The following CMIP variants were observed in gnomAD, a reference collection of about 807,000 sequenced individuals.
CMIP encodes the protein c-Maf inducing protein.
In CMIP, 13 loss-of-function variants were observed where a neutral mutation model predicts 97.3. That is an observed-to-expected ratio of 0.13 (90% CI 0.09 to 0.21). The LOEUF is 0.21. Ranked by LOEUF, CMIP falls within the 10% of genes least tolerant of loss-of-function variation. The pLI is 1.00. For synonymous variants in CMIP, 538 were observed against 436.3 expected, an observed-to-expected ratio of 1.23 and a Z score of -2.91; for missense variants, 847 against 1,024.9, an observed-to-expected ratio of 0.83 and a Z score of 2.37.
chr16:81,672,883 G>A (rs1264955071), intron 9 of CMIP, among the ~76,000 whole-genome samples: 1 of 152,196 alleles, frequency 6.6e-6, no homozygotes, highest in Non-Finnish European at 1.5e-5. Context: ...TGTTTTTCTT[G>A]AGCGCCTGCT....
intron 1 of CMIP, among the ~76,000 whole-genome samples, chr16:81,448,652 A>C (rs1906016353): frequency 6.6e-6 from 1 of 152,250 alleles, no homozygotes; most frequent in African/African-American, 2.4e-5. Context: ...CAGAGCCAAC[A>C]GCGTGCCTAA....
intron 1 of CMIP, among the ~76,000 whole-genome samples, chr16:81,506,167 G>C (rs77383633): frequency 6.6e-6 from 1 of 152,240 alleles, no homozygotes; most frequent in South Asian, 2.1e-4. Flanking sequence ...ACCAAGGCTC[G>C]GAGAGGTTAA....
chr16:81,480,581 C>A (rs1280807808), intron 1 of CMIP, among the ~76,000 whole-genome samples: 1 of 152,106 alleles, frequency 6.6e-6, no homozygotes, highest in African/African-American at 2.4e-5. Flanking sequence ...AAGCCCTGAC[C>A]CATTCTGCTG....
intron 3 of CMIP, among the ~76,000 whole-genome samples, chr16:81,628,784 T>A: frequency 6.6e-6 from 1 of 152,168 alleles, no homozygotes; most frequent in South Asian, 2.1e-4. Flanking sequence ...GTGTTGCTGG[T>A]GCCTGAGGCT....
At chr16:81,494,033 T>A (rs1406503076) in intron 1 of CMIP, among the ~76,000 whole-genome samples, 1 of 152,224 alleles carries the variant, frequency 6.6e-6, no homozygotes, top group Non-Finnish European at 1.5e-5. Context: ...GAAATGTGAT[T>A]CACCATGTGA....
intron 6 of CMIP, among the ~76,000 whole-genome samples, chr16:81,663,576 C>G (rs1238404003): frequency 6.6e-6 from 1 of 152,184 alleles, no homozygotes; most frequent in Non-Finnish European, 1.5e-5. Context: ...AGACATTTGT[C>G]TAAACACCCA....
At chr16:81,703,213 A>G (rs928011262) in intron 17 of CMIP, among the ~76,000 whole-genome samples, 2 of 152,074 alleles carry the variant, frequency 1.3e-5, no homozygotes, top group Non-Finnish European at 2.9e-5. Context: ...TGGAAGTTCT[A>G]CTTGACATGT....
intron 7 of CMIP, among the ~76,000 whole-genome samples, chr16:81,669,792 C>G (rs960036638): frequency 6.6e-6 from 1 of 152,172 alleles, no homozygotes; most frequent in African/African-American, 2.4e-5. Context: ...TCCTTCCACA[C>G]TCCACATTCC....
At chr16:81,502,971 TA>T (rs572846785) in intron 1 of CMIP, among the ~76,000 whole-genome samples, 7 of 152,256 alleles carry the variant, frequency 4.6e-5, no homozygotes, top group Non-Finnish European at 8.8e-5. Context: ...TGTCCTTAGA[TA>T]TGTTTGCGTG....
At chr16:81,572,870 G>T (rs1403950592) in intron 1 of CMIP, among the ~76,000 whole-genome samples, 4 of 152,184 alleles carry the variant, frequency 2.6e-5, no homozygotes, top group Non-Finnish European at 5.9e-5. Flanking sequence ...ACCAGCATCA[G>T]TCCTGCCTCC....
intron 1 of CMIP, among the ~76,000 whole-genome samples, chr16:81,566,484 C>G (rs1196592036): frequency 6.6e-6 from 1 of 152,218 alleles, no homozygotes; most frequent in Non-Finnish European, 1.5e-5. Context: ...CCACGCACAA[C>G]TGGATTTTGG....
chr16:81,695,313 T>G (rs1250089540), intron 13 of CMIP: 2 of 152,252 alleles, frequency 1.3e-5, no homozygotes, highest in Non-Finnish European at 2.9e-5. Flanking sequence ...CCTTTAAAAT[T>G]ATTTGCTATA....
chr16:81,454,351 C>T (rs892927896), intron 1 of CMIP, among the ~76,000 whole-genome samples: 1 of 152,176 alleles, frequency 6.6e-6, no homozygotes, highest in Non-Finnish European at 1.5e-5. Context: ...GTGTCAAAGC[C>T]AGGTCTGACC....
chr16:81,677,784 G>C (rs1904422050), intron 9 of CMIP, among the ~76,000 whole-genome samples: 1 of 152,204 alleles, frequency 6.6e-6, no homozygotes, highest in African/African-American at 2.4e-5. Flanking sequence ...TTGCTCACTT[G>C]GCTGGGTTTG....
intron 3 of CMIP, among the ~76,000 whole-genome samples, chr16:81,650,143 C>T (rs1055951077): frequency 6.6e-6 from 1 of 152,188 alleles, no homozygotes; most frequent in Admixed American, 6.5e-5. Flanking sequence ...TGCATGTTTA[C>T]TCTTCACTGT....
intron 3 of CMIP, among the ~76,000 whole-genome samples, chr16:81,635,784 G>T (rs2092226774): frequency 6.6e-6 from 1 of 152,100 alleles, no homozygotes; most frequent in Non-Finnish European, 1.5e-5. Context: ...TGCCCATTTG[G>T]GGGAGGGGGG....
At position 81,453,969 on chromosome 16, in the gene CMIP, A is replaced by C. The variant is rs558656508; in HGVS notation, c.300+8428A>C. Among the ~76,000 whole-genome samples the C allele has an allele frequency of 6.6e-6, 1 of 151,828 alleles. No individual in the cohort carries two copies. Among genetic ancestry groups the C allele is most frequent in the Non-Finnish European group, 1.5e-5 (1 of 67,962 alleles). On this transcript the variant is annotated intron_variant, in intron 1 of 20. Coordinates refer to ENST00000537098, the MANE Select transcript of CMIP (RefSeq NM_198390.3). The surrounding 1 kb of genome is among the most constrained non-coding windows in gnomAD (Gnocchi z 4.0). The stretch of plus-strand genomic sequence containing the variant: ...AGAGGAGAGCATGGAAGCGATGACT[A>C]CTCCCACCCCAGCATCCTTGGGATG...
At position 81,670,263 on chromosome 16, in the gene CMIP, C is replaced by T. The variant is rs762914106; in HGVS notation, c.929+18C>T. The T allele has an allele frequency of 9.4e-6, 15 of 1,594,866 alleles. No individual in the cohort carries two copies. The highest frequency in any genetic ancestry group is 8.0e-5 in the African/African-American group (6 of 74,544). The stretch of plus-strand genomic sequence containing the variant: ...ATTCAGAGGTGGGTCTCCGGCGCGA[C>T]GTCCCTCTGTGGCCTAGGAGCCACT... On this transcript the variant is annotated intron_variant, in intron 8 of 20. Transcript: ENST00000537098.
chr16:81,647,052 A>G (rs1464725598), intron 3 of CMIP, among the ~76,000 whole-genome samples: 1 of 152,230 alleles, frequency 6.6e-6, no homozygotes, highest in Non-Finnish European at 1.5e-5. Context: ...AGGTGGCTGT[A>G]CCAGTTTACC....
Sources: gnomAD v4.1 joint callset for allele counts (sites outside exome capture counted in the v4.1 genomes callset) on GRCh38, gnomAD v4.1.1 for gene constraint, Gnocchi (gnomAD v3.1) non-coding constraint, MANE v1.5 for transcripts, NCBI Gene and HGNC (gene_info 2026-07-23, HGNC 2026-07-21) for gene names.